Variants in UVRAG observed in about 807,000 individuals in gnomAD.
UVRAG encodes UV radiation resistance-associated gene protein.
Under a neutral mutation model 78.0 loss-of-function variants are expected in UVRAG, and 19 were observed. That is an observed-to-expected ratio of 0.24 (90% CI 0.17 to 0.36). UVRAG has a LOEUF of 0.36. Ranked by LOEUF, UVRAG falls within the 10% of genes least tolerant of loss-of-function variation. The pLI, the probability that UVRAG is intolerant of heterozygous loss-of-function variation, is 1.00. For missense variants in UVRAG, 740 were observed against 853.8 expected (o/e 0.87, Z 1.66); for synonymous variants, 323 against 324.6 (o/e 1.00, Z 0.05).
intron 3 of UVRAG, among the ~76,000 whole-genome samples, chr11:75,862,430 C>A (rs1764753751): frequency 6.6e-6 from 1 of 152,194 alleles, no homozygotes; most frequent in African/African-American, 2.4e-5. Flanking sequence ...ACAAAGAAGA[C>A]CTTTCTGGTA....
chr11:76,136,987 A>G (rs1952608278), intron 14 of UVRAG, among the ~76,000 whole-genome samples: 1 of 152,212 alleles, frequency 6.6e-6, no homozygotes, highest in Non-Finnish European at 1.5e-5. Flanking sequence ...GTTTAATGTT[A>G]TCATTTGATA....
chr11:75,993,360 A>G (rs1328934726), intron 8 of UVRAG, among the ~76,000 whole-genome samples: 1 of 152,188 alleles, frequency 6.6e-6, no homozygotes, highest in East Asian at 1.9e-4. Flanking sequence ...CCTCAAAGGC[A>G]GTGGTTCTCA....
Position 75,942,706 on chromosome 11 carries a change from C to A in UVRAG, c.594-18738C>A, listed in dbSNP as rs559689942. 4.9e-4 allele frequency among the ~76,000 whole-genome samples: 74 copies of A among 152,122 alleles called. 1 individual carries two copies. Among genetic ancestry groups the A allele is most frequent in the African/African-American group, 1.8e-3 (73 of 41,516 alleles). ...GCTAAGTGTACAGCTGTTTATCAGACACAATACAGGAGGGGATACAAAGGA... is the reference window on the plus strand; with the variant it reads ...GCTAAGTGTACAGCTGTTTATCAGAAACAATACAGGAGGGGATACAAAGGA... On this transcript the variant is annotated intron_variant, in intron 6 of 14. Coordinates refer to ENST00000356136, the MANE Select transcript of UVRAG (RefSeq NM_003369.4).
At chr11:76,133,456 G>A (rs1952546896) in intron 14 of UVRAG, among the ~76,000 whole-genome samples, 1 of 152,116 alleles carries the variant, frequency 6.6e-6, no homozygotes, top group Non-Finnish European at 1.5e-5. Flanking sequence ...ACAGCTTCAG[G>A]CAGTAAAACC....
At position 76,099,277 on chromosome 11, in the gene UVRAG, G is replaced by A. The variant is rs113054645; in HGVS notation, c.1306-16647G>A. Among the ~76,000 whole-genome samples the A allele has an allele frequency of 6.8e-3, 1,031 of 152,240 alleles. 15 individuals carry two copies. The highest frequency in any genetic ancestry group is 0.024 in the African/African-American group (987 of 41,520). The stretch of plus-strand genomic sequence containing the variant: ...CTCTGTCATTGAAGCATTTACAGTC[G>A]TCTTGTAGGTCTTGTGTAGGGATCA... On this transcript the variant is annotated intron_variant, in intron 13 of 14. Coordinates refer to ENST00000356136, the MANE Select transcript of UVRAG (RefSeq NM_003369.4).
chr11:75,877,637 A>G (rs1205678978), intron 3 of UVRAG, among the ~76,000 whole-genome samples: 133 of 61,318 alleles, frequency 2.2e-3, no homozygotes, highest in South Asian at 3.5e-3. Flanking sequence ...TCCCGGACGG[A>G]GCGGCTGGCC....
intron 4 of UVRAG, among the ~76,000 whole-genome samples, chr11:75,885,309 T>C (rs1420161364): frequency 6.6e-6 from 1 of 152,112 alleles, no homozygotes; most frequent in African/African-American, 2.4e-5. Context: ...AAGAAATTCT[T>C]GTGCTTAGTT....
At chr11:75,853,989 T>G (rs181485744) in intron 2 of UVRAG, among the ~76,000 whole-genome samples, 2 of 151,908 alleles carry the variant, frequency 1.3e-5, no homozygotes, top group East Asian at 3.9e-4. Context: ...GCCAGGCTGG[T>G]CTTGAACTCC....
chr11:75,822,679 T>TAAA (rs59814532), intron 1 of UVRAG, among the ~76,000 whole-genome samples: 2 of 151,018 alleles, frequency 1.3e-5, no homozygotes, highest in African/African-American at 4.9e-5. Context: ...TTTTTTTTTT[T>TAAA]AAATAAACAA....
intron 12 of UVRAG, among the ~76,000 whole-genome samples, chr11:76,035,050 T>C (rs1451163832): frequency 6.6e-6 from 1 of 152,208 alleles, no homozygotes; most frequent in Admixed American, 6.5e-5. Context: ...ATACTTAAAC[T>C]CTTTTAAATG....
intron 3 of UVRAG, among the ~76,000 whole-genome samples, chr11:75,870,681 T>C (rs760186194): frequency 6.6e-6 from 1 of 152,300 alleles, no homozygotes; most frequent in East Asian, 1.9e-4. Flanking sequence ...CAGGAAGAGA[T>C]GACTTCATTT....
At chr11:75,875,510 A>T (rs1220351460) in intron 3 of UVRAG, among the ~76,000 whole-genome samples, 1 of 147,016 alleles carries the variant, frequency 6.8e-6, no homozygotes, top group African/African-American at 2.5e-5. Context: ...ATTGCTACTT[A>T]TCTCTTTAAA....
chr11:76,000,635 A>G (rs899802674), intron 8 of UVRAG, among the ~76,000 whole-genome samples: 3 of 152,116 alleles, frequency 2.0e-5, no homozygotes, highest in Admixed American at 6.5e-5. Flanking sequence ...AAGGAAAAAA[A>G]GAAAAAAGTT....
chr11:76,012,707 G>C (rs1195275317), intron 11 of UVRAG, among the ~76,000 whole-genome samples: 1 of 151,976 alleles, frequency 6.6e-6, no homozygotes, highest in Non-Finnish European at 1.5e-5. Context: ...GTATGCCAAG[G>C]AGACCTGGAC....
chr11:76,062,598 T>C (rs1268628099), intron 12 of UVRAG, among the ~76,000 whole-genome samples: 2 of 152,180 alleles, frequency 1.3e-5, no homozygotes, highest in Non-Finnish European at 2.9e-5. Flanking sequence ...CAACAATTTC[T>C]CTCAATACTG....
chr11:75,832,826 A>G (rs1273633614), intron 1 of UVRAG, among the ~76,000 whole-genome samples: 2 of 152,214 alleles, frequency 1.3e-5, no homozygotes, highest in Non-Finnish European at 2.9e-5. Context: ...ATCACTCCAG[A>G]GATTCCAAGG....
intron 12 of UVRAG, among the ~76,000 whole-genome samples, chr11:76,041,752 A>G (rs755564237): frequency 3.3e-5 from 5 of 152,346 alleles, no homozygotes; most frequent in Non-Finnish European, 5.9e-5. Context: ...TGACACAGTT[A>G]AAAAATTACA....
chr11:75,864,637 T>G (rs1946498908), intron 3 of UVRAG, among the ~76,000 whole-genome samples: 1 of 152,272 alleles, frequency 6.6e-6, no homozygotes, highest in Non-Finnish European at 1.5e-5. Context: ...TTGTATTTAT[T>G]TGTTACCATT....
intron 6 of UVRAG, among the ~76,000 whole-genome samples, chr11:75,954,896 A>G (rs1310076495): frequency 6.6e-6 from 1 of 152,238 alleles, no homozygotes; most frequent in Non-Finnish European, 1.5e-5. Context: ...AGGCTTTTGA[A>G]GAAGAGGTTG....
Sources: gnomAD v4.1 joint callset for allele counts (sites outside exome capture counted in the v4.1 genomes callset) on GRCh38, gnomAD v4.1.1 for gene constraint, MANE v1.5 for transcripts, NCBI Gene and HGNC (gene_info 2026-07-23, HGNC 2026-07-21) for gene names.